The following CDH7 variants were observed in gnomAD, a reference collection of about 807,000 sequenced individuals.
CDH7 encodes cadherin 7.
CDH7 carries 25 observed loss-of-function variants against 71.8 expected under a neutral mutation model. The observed-to-expected ratio is 0.35, with a 90% confidence interval of 0.25 to 0.49. The LOEUF is 0.49. Among genes scored for constraint, CDH7 ranks in the 20% least tolerant of loss-of-function variants. The probability of loss-of-function intolerance (pLI) is 0.99; values close to 1 mark genes in which losing one functional copy is unlikely to be tolerated. For synonymous variants in CDH7, 381 were observed against 363.8 expected, an observed-to-expected ratio of 1.05 and a Z score of -0.54; for missense variants, 862 against 974.6, an observed-to-expected ratio of 0.88 and a Z score of 1.54.
chr18:65,809,672 G>T (rs776866961), intron 2 of CDH7, 32 bp from the exon 3 acceptor site: 2 of 1,578,232 alleles, frequency 1.3e-6, no homozygotes, highest in Non-Finnish European at 1.7e-6. Flanking sequence ...TCTCTTGTAA[G>T]TTAATCTCAT....
At chr18:65,780,972 C>A (rs1910163308) in intron 2 of CDH7, among the ~76,000 whole-genome samples, 1 of 127,824 alleles carries the variant, frequency 7.8e-6, no homozygotes. Flanking sequence ...GTCCAAATCT[C>A]TGATGCTCAT....
Position 65,883,419 on chromosome 18 carries a change from T to G in CDH7, c.*2525T>G, listed in dbSNP as rs1410061131. The G allele has an allele frequency of 6.6e-6, 1 of 151,984 alleles. No individual in the cohort carries two copies. Among genetic ancestry groups the G allele is most frequent in the African/African-American group, 2.4e-5 (1 of 41,414 alleles). The allele number at this position is 151,984 out of a possible 1,614,324, so 9.4% of individuals were successfully genotyped here. On this transcript the variant is annotated 3_prime_UTR_variant, in exon 12 of 12. Coordinates refer to ENST00000397968, the MANE Select transcript of CDH7 (RefSeq NM_004361.5). ...ATGATGACTGTCAATACTTGAGATATAGGCTTTGTTTTAAAAACAGTGATT... is the reference window on the plus strand; with the variant it reads ...ATGATGACTGTCAATACTTGAGATAGAGGCTTTGTTTTAAAAACAGTGATT...
At chr18:65,838,258 G>T in intron 6 of CDH7, among the ~76,000 whole-genome samples, 1 of 151,892 alleles carries the variant, frequency 6.6e-6, no homozygotes, top group Non-Finnish European at 1.5e-5. Context: ...TATAAATGAG[G>T]GTTATTTTCC....
intron 1 of CDH7, among the ~76,000 whole-genome samples, chr18:65,751,984 C>T (rs1915894614): frequency 6.6e-6 from 1 of 152,184 alleles, no homozygotes; most frequent in Non-Finnish European, 1.5e-5. Flanking sequence ...GTTCACCCAG[C>T]ACTGGGCAAA....
chr18:65,837,274 G>A (rs377676518), intron 6 of CDH7, among the ~76,000 whole-genome samples: 17 of 152,290 alleles, frequency 1.1e-4, no homozygotes, highest in South Asian at 8.3e-4. Context: ...AGAGAGAAAC[G>A]AGACTCAGTC....
In CDH7 at chr18:65,881,695, G is replaced by T. The variant is rs1390383313; in HGVS notation, c.*801G>T. 2 of 151,992 alleles carry T rather than the reference G, an allele frequency of 1.3e-5. No individual in the cohort carries two copies. The highest frequency in any genetic ancestry group is 2.9e-5 in the Non-Finnish European group (2 of 67,988). The allele number at this position is 151,992 out of a possible 1,614,324, so 9.4% of individuals were successfully genotyped here. On this transcript the variant is annotated 3_prime_UTR_variant, in exon 12 of 12. Transcript: ENST00000397968. Reference sequence around the variant, plus strand: ...TCTTTTCTTTTTTATTTGACACATGGTGTTGTATTTATTTTGGAGCTCCAA... The same window carrying T: ...TCTTTTCTTTTTTATTTGACACATGTTGTTGTATTTATTTTGGAGCTCCAA...
At chr18:65,794,807 T>C (rs370579263) in intron 2 of CDH7, among the ~76,000 whole-genome samples, 16 of 152,158 alleles carry the variant, frequency 1.1e-4, no homozygotes, top group East Asian at 9.7e-4. Context: ...GTCAAGTCTG[T>C]GAAATTATTG....
rs1415007566 is a variant in CDH7 at position 65,843,796 on chromosome 18, A to G, written c.982-16A>G. The G allele has an allele frequency of 1.4e-6, 2 of 1,478,238 alleles. No individual in the cohort carries two copies. The highest frequency in any genetic ancestry group is 1.4e-5 in the African/African-American group (1 of 70,108). The allele number at this position is 1,478,238 out of a possible 1,614,324, so 91.6% of individuals were successfully genotyped here. A position where few individuals can be genotyped will look rare whatever the true frequency, so the allele number is the denominator to read the frequency against. ...TTTAACCGGTAATTTAATTTTCCTA[A>G]CGACTTTCTTTACAGGAGCTGGATT... is the stretch of plus-strand genomic sequence containing the variant. On this transcript the variant is annotated splice_polypyrimidine_tract_variant and intron_variant, in intron 6 of 11. Coordinates refer to ENST00000397968, the MANE Select transcript of CDH7 (RefSeq NM_004361.5).
rs1914259266 is a variant in CDH7, at chr18:65,882,487, A to G, written c.*1593A>G. The stretch of plus-strand genomic sequence containing the variant: ...TAAAAGTGCTTTTTGAAAGGTAGAC[A>G]GTGGAATTAGAATATTAATATGTTG... On this transcript the variant is annotated 3_prime_UTR_variant, in exon 12 of 12. Transcript: ENST00000397968. 6.6e-6 allele frequency: 1 copy of G among 152,154 alleles called. No homozygotes were observed. Among genetic ancestry groups the G allele is most frequent in the African/African-American group, 2.4e-5 (1 of 41,458 alleles). The allele number at this position is 152,154 out of a possible 1,614,324, so 9.4% of individuals were successfully genotyped here.
intron 2 of CDH7, among the ~76,000 whole-genome samples, chr18:65,768,249 G>A (rs1189084094): frequency 6.7e-6 from 1 of 148,234 alleles, no homozygotes; most frequent in Non-Finnish European, 1.5e-5. Context: ...TTTGGTTCTT[G>A]TTTTGAGATG....
chr18:65,755,833 G>A (rs1352045206), intron 1 of CDH7, among the ~76,000 whole-genome samples: 1 of 152,106 alleles, frequency 6.6e-6, no homozygotes, highest in East Asian at 1.9e-4. Flanking sequence ...AGCTGTACTG[G>A]GGACACAAGA....
intron 11 of CDH7, 184 bp downstream of exon 11, chr18:65,863,101 GA>G: frequency 1.5e-6 from 1 of 649,676 alleles, no homozygotes; most frequent in South Asian, 2.0e-5. Flanking sequence ...GCAGTAGAAT[GA>G]TCTGGGCTCA....
intron 6 of CDH7, among the ~76,000 whole-genome samples, chr18:65,838,818 T>G (rs1912625119): frequency 6.6e-6 from 1 of 152,214 alleles, no homozygotes; most frequent in South Asian, 2.1e-4. Context: ...TCATATTTTT[T>G]AATCCAACAA....
intron 2 of CDH7, among the ~76,000 whole-genome samples, chr18:65,778,271 CA>C (rs148841669): frequency 2.4e-3 from 206 of 84,246 alleles, no homozygotes; most frequent in Middle Eastern, 5.6e-3. Flanking sequence ...GACTCTGTCT[CA>C]AAAAAAAAAA....
chr18:65,817,350 T>G (rs942520952), intron 4 of CDH7, among the ~76,000 whole-genome samples: 3 of 152,194 alleles, frequency 2.0e-5, no homozygotes, highest in African/African-American at 7.2e-5. Flanking sequence ...CTGTCTCTTT[T>G]GAAAGCTTGC....
intron 2 of CDH7, among the ~76,000 whole-genome samples, chr18:65,764,791 T>A (rs1008005286): frequency 6.6e-6 from 1 of 152,082 alleles, no homozygotes; most frequent in Admixed American, 6.6e-5. Flanking sequence ...TTGGGTGAAG[T>A]TGACATTTTA....
chr18:65,845,270 T>C (rs1912897006), intron 7 of CDH7, among the ~76,000 whole-genome samples: 1 of 151,954 alleles, frequency 6.6e-6, no homozygotes, highest in Non-Finnish European at 1.5e-5. Context: ...GAAAAATAGT[T>C]ATTTAAAAAG....
At chr18:65,816,507 T>C (rs1911730312) in intron 4 of CDH7, among the ~76,000 whole-genome samples, 3 of 152,154 alleles carry the variant, frequency 2.0e-5, no homozygotes, top group South Asian at 2.1e-4. Flanking sequence ...GGGAAGAAAG[T>C]AAAATTTTGA....
chr18:65,772,122 A>C (rs1011786067), intron 2 of CDH7, among the ~76,000 whole-genome samples: 11 of 152,216 alleles, frequency 7.2e-5, no homozygotes, highest in Non-Finnish European at 1.6e-4. Context: ...ACACACAATC[A>C]AAATTTGGAC....
Sources: gnomAD v4.1 joint callset for allele counts (sites outside exome capture counted in the v4.1 genomes callset) on GRCh38, gnomAD v4.1.1 for gene constraint, MANE v1.5 for transcripts, NCBI Gene and HGNC (gene_info 2026-07-23, HGNC 2026-07-21) for gene names.